CAMK1D: variants seen among roughly 807,000 people sequenced by gnomAD.
The protein encoded by CAMK1D is calcium/calmodulin-dependent protein kinase type 1D.
A neutral mutation model predicts 47.7 loss-of-function variants in CAMK1D; 9 were observed. The ratio of observed to expected loss-of-function variants is 0.19; its 90% CI spans 0.11 to 0.33. CAMK1D has a LOEUF of 0.33. Among genes scored for constraint, CAMK1D ranks in the 10% least tolerant of loss-of-function variants. The pLI is 1.00. For missense variants in CAMK1D, 291 were observed against 488.7 expected, an observed-to-expected ratio of 0.60 and a Z score of 3.81; for synonymous variants, 184 against 184.9, an observed-to-expected ratio of 0.99 and a Z score of 0.04.
chr10:12,393,107 C>A (rs967449203), intron 1 of CAMK1D, among the ~76,000 whole-genome samples: 2 of 151,666 alleles, frequency 1.3e-5, no homozygotes, highest in African/African-American at 4.8e-5. Flanking sequence ...TCTCTGCTCA[C>A]TCCAAGCTCC....
chr10:12,615,445 CATGTGTGTGTGTAGGTGTGA>C (rs1838754241), intron 2 of CAMK1D, among the ~76,000 whole-genome samples: 1 of 151,328 alleles, frequency 6.6e-6, no homozygotes, highest in African/African-American at 2.4e-5. Flanking sequence ...TGAGTGTGTG[CATGTGTGTGTGTAGGTGTGA>C]GTGTGTGCAC....
At chr10:12,581,970 A>G (rs1353924608) in intron 2 of CAMK1D, among the ~76,000 whole-genome samples, 3 of 152,128 alleles carry the variant, frequency 2.0e-5, no homozygotes, top group African/African-American at 4.8e-5. Context: ...GCTTAAGCCA[A>G]TGTCTAGAGG....
At chr10:12,780,481 G>A (rs1356987092) in intron 5 of CAMK1D, among the ~76,000 whole-genome samples, 11 of 152,114 alleles carry the variant, frequency 7.2e-5, no homozygotes, top group South Asian at 2.1e-4. Flanking sequence ...AAATATCTAC[G>A]TGTCAAGGAT....
chr10:12,724,523 A>G (rs1834531011), intron 3 of CAMK1D, among the ~76,000 whole-genome samples: 2 of 152,238 alleles, frequency 1.3e-5, no homozygotes, highest in Non-Finnish European at 2.9e-5. Flanking sequence ...TTCTGGTATA[A>G]AAAATGGAAT....
intron 1 of CAMK1D, among the ~76,000 whole-genome samples, chr10:12,443,350 C>A (rs1008089403): frequency 1.3e-5 from 2 of 152,118 alleles, no homozygotes; most frequent in Non-Finnish European, 2.9e-5. Flanking sequence ...TGCGGTGACA[C>A]AGGAGGGGAC....
intron 1 of CAMK1D, among the ~76,000 whole-genome samples, chr10:12,539,351 G>A (rs1482576138): frequency 6.6e-6 from 1 of 152,188 alleles, no homozygotes; most frequent in Non-Finnish European, 1.5e-5. Context: ...GGTACTTGTT[G>A]AGACATCTGC....
At chr10:12,706,859 G>A (rs1833745036) in intron 3 of CAMK1D, among the ~76,000 whole-genome samples, 1 of 152,194 alleles carries the variant, frequency 6.6e-6, no homozygotes, top group Non-Finnish European at 1.5e-5. Flanking sequence ...GAACACAGAA[G>A]TAGGTGATAA....
intron 6 of CAMK1D, among the ~76,000 whole-genome samples, chr10:12,806,230 G>A (rs1295933653): frequency 1.3e-5 from 2 of 152,184 alleles, no homozygotes; most frequent in East Asian, 3.8e-4. Context: ...GAAGGTTAGT[G>A]TTGGGTATCT....
chr10:12,770,765 G>T (rs1837001248), intron 5 of CAMK1D, among the ~76,000 whole-genome samples: 1 of 152,202 alleles, frequency 6.6e-6, no homozygotes, highest in Non-Finnish European at 1.5e-5. Context: ...AGCCAGCCAT[G>T]TGGGAGTTAC....
At chr10:12,499,588 G>T (rs1158429631) in intron 1 of CAMK1D, among the ~76,000 whole-genome samples, 2 of 152,186 alleles carry the variant, frequency 1.3e-5, no homozygotes, top group African/African-American at 2.4e-5. Flanking sequence ...AGGATTTTAT[G>T]ATAGGATTTG....
intron 1 of CAMK1D, among the ~76,000 whole-genome samples, chr10:12,508,068 G>A (rs996692238): frequency 1.3e-5 from 2 of 152,150 alleles, no homozygotes; most frequent in South Asian, 2.1e-4. Context: ...TGTTTTTAAC[G>A]AGCATCCCGA....
intron 2 of CAMK1D, among the ~76,000 whole-genome samples, chr10:12,591,474 C>A (rs1483587721): frequency 6.6e-6 from 1 of 152,238 alleles, no homozygotes; most frequent in African/African-American, 2.4e-5. Flanking sequence ...AAGTGTCACA[C>A]TTCTCTGCCT....
intron 1 of CAMK1D, among the ~76,000 whole-genome samples, chr10:12,535,297 C>T (rs1193603980): frequency 6.6e-6 from 1 of 152,208 alleles, no homozygotes. Context: ...AGGATACCAC[C>T]AAATTTCACT....
intron 3 of CAMK1D, among the ~76,000 whole-genome samples, chr10:12,668,767 C>T (rs891649706): frequency 6.6e-6 from 1 of 151,988 alleles, no homozygotes; most frequent in South Asian, 2.1e-4. Flanking sequence ...CAAAAGTTAT[C>T]GCAAATATGG....
chr10:12,474,071 T>G (rs1193046859), intron 1 of CAMK1D, among the ~76,000 whole-genome samples: 1 of 152,038 alleles, frequency 6.6e-6, no homozygotes. Context: ...TACTTCTGGG[T>G]CCAGTGGGAG....
rs193252447 is a variant in CAMK1D, at chr10:12,701,537, C to G, written c.299+34727C>G. 4.0e-3 allele frequency among the ~76,000 whole-genome samples: 605 copies of G among 152,266 alleles called. 4 individuals are homozygous for G. Among genetic ancestry groups the G allele is most frequent in the Middle Eastern group, 0.031 (9 of 294 alleles). On this transcript the variant is annotated intron_variant, in intron 3 of 10. Transcript: ENST00000619168. The stretch of plus-strand genomic sequence containing the variant: ...TCTGGCCACAGAGGCTGCATTGCCC[C>G]CTCTCTTTCAGTTCGATTTTGTTTA...
At chr10:12,352,523 C>T (rs1268953414) in intron 1 of CAMK1D, among the ~76,000 whole-genome samples, 1 of 151,700 alleles carries the variant, frequency 6.6e-6, no homozygotes, top group African/African-American at 2.4e-5. Context: ...GCAGGAGAAT[C>T]GCTTGAACTG....
chr10:12,668,231 A>G (rs994116623), intron 3 of CAMK1D, among the ~76,000 whole-genome samples: 1 of 152,260 alleles, frequency 6.6e-6, no homozygotes, highest in Non-Finnish European at 1.5e-5. Flanking sequence ...AGATGCAAGC[A>G]CATCACTTTC....
intron 2 of CAMK1D, among the ~76,000 whole-genome samples, chr10:12,579,448 C>G (rs532527687): frequency 6.6e-6 from 1 of 152,284 alleles, no homozygotes; most frequent in African/African-American, 2.4e-5. Flanking sequence ...ATCTTGTTCT[C>G]TCCATTAAAG....
Sources: gnomAD v4.1 joint callset for allele counts (sites outside exome capture counted in the v4.1 genomes callset) on GRCh38, gnomAD v4.1.1 for gene constraint, MANE v1.5 for transcripts, NCBI Gene and HGNC (gene_info 2026-07-23, HGNC 2026-07-21) for gene names.